RMND5A: variants seen among roughly 807,000 people sequenced by gnomAD.
The protein encoded by RMND5A is E3 ubiquitin-protein transferase RMND5A.
RMND5A carries 17 observed loss-of-function variants against 49.7 expected under a neutral mutation model. The observed-to-expected ratio is 0.34, with a 90% CI of 0.23 to 0.51. RMND5A has a LOEUF of 0.51. RMND5A is among the 20% of genes least tolerant of loss of function. The pLI, the probability that RMND5A is intolerant of heterozygous loss-of-function variation, is 0.96. For missense variants in RMND5A, 255 were observed against 471.3 expected, an observed-to-expected ratio of 0.54 and a Z score of 4.25; for synonymous variants, 156 against 167.7, an observed-to-expected ratio of 0.93 and a Z score of 0.54.
At chr2:86,764,440 A>G (rs374064480) in intron 4 of RMND5A, among the ~76,000 whole-genome samples, 2 of 152,138 alleles carry the variant, frequency 1.3e-5, no homozygotes. Flanking sequence ...TTAAAATTGA[A>G]TCTTGTTTTT....
intron 4 of RMND5A, among the ~76,000 whole-genome samples, chr2:86,753,943 T>C (rs1435074454): frequency 1.3e-5 from 2 of 152,242 alleles, no homozygotes; most frequent in Admixed American, 1.3e-4. Context: ...TAAGAAATTA[T>C]TGGTTATTGG....
intron 4 of RMND5A, among the ~76,000 whole-genome samples, chr2:86,756,971 C>A (rs1050148953): frequency 6.6e-6 from 1 of 152,042 alleles, no homozygotes; most frequent in African/African-American, 2.4e-5. Flanking sequence ...GTCAGGAGTT[C>A]AAGACGAGCC....
Position 86,775,773 on chromosome 2 carries a change from A to C in RMND5A, c.*2362A>C, listed in dbSNP as rs537849585. On this transcript the variant is annotated 3_prime_UTR_variant, in exon 9 of 9. Transcript: ENST00000283632. ...TGACCGTCTTCAAGTGCATGGACTTAAAATTCATGAGAGACTAAATGTGAG... is the reference window on the plus strand; with the variant it reads ...TGACCGTCTTCAAGTGCATGGACTTCAAATTCATGAGAGACTAAATGTGAG... The C allele has an allele frequency of 3.3e-5, 5 of 152,340 alleles. No homozygotes were observed. The highest frequency in any genetic ancestry group is 9.6e-5 in the African/African-American group (4 of 41,576). 9.4% of individuals were successfully genotyped at this position (152,340 alleles called of 1,614,324 possible).
intron 3 of RMND5A, 22 bp downstream of exon 3, chr2:86,752,052 G>T: frequency 6.2e-7 from 1 of 1,609,854 alleles, no homozygotes; most frequent in South Asian, 1.1e-5. Context: ...CCAACTGGGA[G>T]GATATGAAAA....
At chr2:86,770,882 T>C (rs576424431) in intron 7 of RMND5A, among the ~76,000 whole-genome samples, 2 of 152,350 alleles carry the variant, frequency 1.3e-5, no homozygotes, top group South Asian at 4.1e-4. Flanking sequence ...GCACTGAGGC[T>C]CTGGCCTGGA....
chr2:86,775,460 G>A lies in RMND5A; in HGVS notation c.*2049G>A, dbSNP rs1345556712. ...TGAATGAGACAGATGTACTCTGAAG[G>A]CTGGTGGTAAATGTGTTTGATGACC... On this transcript the variant is annotated 3_prime_UTR_variant, in exon 9 of 9. Transcript: ENST00000283632. 2.0e-5 allele frequency: 3 copies of A among 151,684 alleles called. No homozygotes were observed. Among genetic ancestry groups the A allele is most frequent in the Admixed American group, 6.6e-5 (1 of 15,196 alleles). 9.4% of individuals were successfully genotyped at this position (151,684 alleles called of 1,614,324 possible). A position where few individuals can be genotyped will look rare whatever the true frequency, so the allele number is the denominator to read the frequency against.
rs1681479737 is a variant in RMND5A, at chr2:86,743,198, C to G, written c.285+2129C>G. On this transcript the variant is annotated intron_variant, in intron 2 of 8. Transcript: ENST00000283632. ...ACTAATCTTTAAGGCAAAACATTAT[C>G]TGGATGTACTTGGTGCCAAACATGG... Among the ~76,000 whole-genome samples the G allele has an allele frequency of 3.3e-5, 5 of 152,188 alleles. 1 individual carries two copies. In the South Asian group the frequency reaches 1.0e-3, roughly 32 times the overall value.
chr2:86,770,539 G>C (rs923583648), intron 7 of RMND5A, among the ~76,000 whole-genome samples: 13 of 152,170 alleles, frequency 8.5e-5, no homozygotes, highest in Non-Finnish European at 1.6e-4. Flanking sequence ...TTTGCCAATA[G>C]AATAAGTATA....
Position 86,776,496 on chromosome 2 carries a change from CT to C in RMND5A, c.*3089del, listed in dbSNP as rs1243157859. The C allele has an allele frequency of 6.6e-6, 1 of 152,198 alleles. No individual in the cohort carries two copies. Among genetic ancestry groups the C allele is most frequent in the African/African-American group, 2.4e-5 (1 of 41,452 alleles). 9.4% of individuals were successfully genotyped at this position (152,198 alleles called of 1,614,324 possible). Reference sequence around the variant, plus strand: ...TGTGGGAAATGAGGATCCTGATCCTCTTTTGTCCTCTCCAGGTAGTCTCGCA... The same window carrying C: ...TGTGGGAAATGAGGATCCTGATCCTCTTTGTCCTCTCCAGGTAGTCTCGCA... On this transcript the variant is annotated 3_prime_UTR_variant, in exon 9 of 9. Coordinates refer to ENST00000283632, the MANE Select transcript of RMND5A (RefSeq NM_022780.4).
chr2:86,743,307 G>C (rs1681481944), intron 2 of RMND5A, among the ~76,000 whole-genome samples: 1 of 151,000 alleles, frequency 6.6e-6, no homozygotes, highest in Non-Finnish European at 1.5e-5. Flanking sequence ...AGGGGGATGT[G>C]TTCATGGTAA....
intron 7 of RMND5A, among the ~76,000 whole-genome samples, chr2:86,771,104 C>G (rs1006257482): frequency 1.3e-5 from 2 of 152,170 alleles, no homozygotes; most frequent in African/African-American, 4.8e-5. Flanking sequence ...TGAGTGTGGT[C>G]AGGACACAAG....
intron 2 of RMND5A, among the ~76,000 whole-genome samples, chr2:86,747,743 G>A (rs1681561868): frequency 6.6e-6 from 1 of 152,202 alleles, no homozygotes; most frequent in Non-Finnish European, 1.5e-5. Flanking sequence ...TTGAGAAACG[G>A]ATGGGTTTTT....
chr2:86,746,280 C>G (rs1434834936), intron 2 of RMND5A, among the ~76,000 whole-genome samples: 1 of 152,124 alleles, frequency 6.6e-6, no homozygotes, highest in East Asian at 1.9e-4. Context: ...TCTCTGCATG[C>G]TTTCGTGTAT....
intron 2 of RMND5A, among the ~76,000 whole-genome samples, chr2:86,745,608 C>CAG (rs1039214988): frequency 1.4e-4 from 21 of 152,124 alleles, no homozygotes; most frequent in African/African-American, 5.1e-4. Context: ...TGGATTTGAT[C>CAG]AGATGATGAA....
intron 2 of RMND5A, among the ~76,000 whole-genome samples, chr2:86,743,567 C>T (rs184846746): frequency 4.8e-4 from 73 of 152,070 alleles, no homozygotes; most frequent in Admixed American, 3.4e-3. Flanking sequence ...CAGGTTCAAG[C>T]GATTCTCCTG....
intron 2 of RMND5A, among the ~76,000 whole-genome samples, chr2:86,743,972 C>G (rs1037589474): frequency 2.8e-5 from 4 of 142,378 alleles, no homozygotes; most frequent in African/African-American, 1.1e-4. Flanking sequence ...AGCGAGACTC[C>G]ATCTCAAAAA....
chr2:86,720,982 C>T (rs1329716436), intron 1 of RMND5A, 173 bp downstream of exon 1: 3 of 539,246 alleles, frequency 5.6e-6, no homozygotes, highest in South Asian at 2.7e-5. Context: ...TCCGATTTAC[C>T]TCGAACCTGC....
chr2:86,765,749 A>G, intron 5 of RMND5A, 110 bp from the exon 6 acceptor site: 1 of 875,860 alleles, frequency 1.1e-6, no homozygotes, highest in Non-Finnish European at 1.7e-6. Context: ...ATTTTAAAAG[A>G]CCTGTTAATA....
chr2:86,744,209 A>G (rs142897284), intron 2 of RMND5A, among the ~76,000 whole-genome samples: 232 of 152,208 alleles, frequency 1.5e-3, no homozygotes, highest in African/African-American at 5.5e-3. Flanking sequence ...GGCTTCTCAC[A>G]TACATCAGGA....
Sources: gnomAD v4.1 joint callset for allele counts (sites outside exome capture counted in the v4.1 genomes callset) on GRCh38, gnomAD v4.1.1 for gene constraint, MANE v1.5 for transcripts, NCBI Gene and HGNC (gene_info 2026-07-23, HGNC 2026-07-21) for gene names.